Variants in NRDE2 observed in about 807,000 individuals in gnomAD.
NRDE2 encodes the protein NRDE-2, necessary for RNA interference, domain containing, also known as nuclear exosome regulator NRDE2.
Under a neutral mutation model 124.2 loss-of-function variants are expected in NRDE2, and 76 were observed. That is an observed-to-expected ratio of 0.61 (90% CI 0.51 to 0.74). The LOEUF is 0.74. Ranked by LOEUF, NRDE2 falls within the 30% of genes least tolerant of loss-of-function variation. The probability of loss-of-function intolerance (pLI) is 0.00; values close to 1 mark genes in which losing one functional copy is unlikely to be tolerated. For missense variants in NRDE2, 1,314 were observed against 1,417.3 expected, an observed-to-expected ratio of 0.93 and a Z score of 1.17; for synonymous variants, 489 against 528.1, an observed-to-expected ratio of 0.93 and a Z score of 1.01.
chr14:90,316,846 A>G, intron 2 of NRDE2, 35 bp from the exon 3 acceptor site: 1 of 1,376,094 alleles, frequency 7.3e-7, no homozygotes, highest in South Asian at 1.3e-5. Context: ...ATTACTTTCT[A>G]AAAAGATGTA....
rs1566678097 is a variant in NRDE2 at position 90,274,827 on chromosome 14, CACACACACA to C, written c.*3500_*3508del. ...ACACACACACACACACACACACACACACACACACACACCCCAATACATATGAATTGATCT... is the reference window on the plus strand; with the variant it reads ...ACACACACACACACACACACACACACCACCCCAATACATATGAATTGATCT... On this transcript the variant is annotated 3_prime_UTR_variant, in exon 14 of 14. Transcript: ENST00000354366. The C allele has an allele frequency of 2.6e-3, 254 of 96,612 alleles. 2 individuals carry two copies. The highest frequency in any genetic ancestry group is 2.7e-3 in the Non-Finnish European group (131 of 48,768). The allele number at this position is 96,612 out of a possible 1,614,324, so 6.0% of individuals were successfully genotyped here.
At chr14:90,280,989 G>A (rs766576975) in intron 12 of NRDE2, 2 of 152,268 alleles carry the variant, frequency 1.3e-5, no homozygotes, top group South Asian at 2.1e-4. Flanking sequence ...CAGAACTGCC[G>A]TGATGGGTGC....
Position 90,269,624 on chromosome 14 carries a change from A to G in NRDE2, c.*8712T>C. ...TGTTTAAGTGTGCTTTGGGAGGCCTATAAAATGATACATAAAAAAGCAAAT... is the reference window on the plus strand; with the variant it reads ...TGTTTAAGTGTGCTTTGGGAGGCCTGTAAAATGATACATAAAAAAGCAAAT... On this transcript the variant is annotated 3_prime_UTR_variant, in exon 14 of 14. Coordinates refer to ENST00000354366, the MANE Select transcript of NRDE2 (RefSeq NM_017970.4). The G allele has an allele frequency of 6.7e-7, 1 of 1,492,878 alleles. No homozygotes were observed. Among genetic ancestry groups the G allele is most frequent in the Non-Finnish European group, 9.1e-7 (1 of 1,100,124 alleles). 92.5% of individuals were successfully genotyped at this position (1,492,878 alleles called of 1,614,324 possible). A position where few individuals can be genotyped will look rare whatever the true frequency, so the allele number is the denominator to read the frequency against.
chr14:90,322,958 A>G (rs1885294420), intron 1 of NRDE2, among the ~76,000 whole-genome samples: 1 of 152,208 alleles, frequency 6.6e-6, no homozygotes, highest in South Asian at 2.1e-4. Flanking sequence ...GCAGCACACC[A>G]AATGCCTACG....
chr14:90,319,567 G>A (rs1230109579), intron 1 of NRDE2, among the ~76,000 whole-genome samples: 2 of 150,580 alleles, frequency 1.3e-5, no homozygotes, highest in Non-Finnish European at 3.0e-5. Context: ...TGCCTATTTT[G>A]GACATTTAAT....
At position 90,288,818 on chromosome 14, in the gene NRDE2, G is replaced by C. The variant is rs1892188218; in HGVS notation, c.2557C>G (p.Leu853Val). ...GGCCCATAGGGGCTGCTCTCAGTCA[G>C]CTTGGTTAATATGTGAACAGCTCGA... Reference protein sequence around the residue: ...TARAVHILTKLTESSPYGPYT... With the variant: ...TARAVHILTKVTESSPYGPYT... Residue 853 changes from leucine to valine, a missense_variant, in exon 11 of 14, where the codon CTG becomes GTG. Physicochemically the swap from Leu to Val is conservative, Grantham distance 32 (BLOSUM62 1). Coordinates refer to ENST00000354366, the MANE Select transcript of NRDE2 (RefSeq NM_017970.4). The C allele has an allele frequency of 1.9e-6, 3 of 1,614,112 alleles. No homozygotes were observed. The highest frequency in any genetic ancestry group is 2.5e-6 in the Non-Finnish European group (3 of 1,180,034).
chr14:90,312,818 T>C (rs1018969582), intron 3 of NRDE2, among the ~76,000 whole-genome samples: 4 of 152,186 alleles, frequency 2.6e-5, no homozygotes, highest in Admixed American at 6.5e-5. Flanking sequence ...CTGAAGAATA[T>C]AGGTATACAG....
Position 90,301,271 on chromosome 14 carries a change from C to T in NRDE2, c.1513G>A (p.Asp505Asn), listed in dbSNP as rs367936820. 5.6e-5 allele frequency: 90 copies of T among 1,613,642 alleles called. No homozygotes were observed. The highest frequency in any genetic ancestry group is 2.8e-4 in the African/African-American group (21 of 74,962). ...TTGGTAGGCAGATCTTTCACGCTGTCGGGTTTGAAGAAGGTGAAGTCCACC... is the reference window on the plus strand; with the variant it reads ...TTGGTAGGCAGATCTTTCACGCTGTTGGGTTTGAAGAAGGTGAAGTCCACC... ...AMVDFTFFKP[D>N]SVKDLPTKGQ... is the part of the protein sequence containing the mutation. Residue 505 changes from aspartate (D) to asparagine (N), a missense_variant, in exon 7 of 14, where the codon GAC (aspartate) becomes AAC (asparagine). By Grantham distance (23) the Asp-to-Asn change is conservative. Coordinates refer to ENST00000354366, the MANE Select transcript of NRDE2 (RefSeq NM_017970.4).
intron 5 of NRDE2, 25 bp from the exon 6 acceptor site, chr14:90,303,150 CA>C (rs1461600035): frequency 6.3e-7 from 1 of 1,590,498 alleles, no homozygotes; most frequent in African/African-American, 1.3e-5. Flanking sequence ...CACCAATTTA[CA>C]AATGCAAATG....
In NRDE2 at chr14:90,292,801, A is replaced by C. The variant is rs1237618359; in HGVS notation, c.1738T>G (p.Trp580Gly). 3 of 1,614,092 alleles carry C rather than the reference A, an allele frequency of 1.9e-6. No individual in the cohort carries two copies. Among genetic ancestry groups the C allele is most frequent in the Non-Finnish European group, 2.5e-6 (3 of 1,180,010 alleles). The change falls in exon 9 of 14, where the codon TGG becomes GGG. Residue 580 changes from tryptophan (W) to glycine (G), a missense_variant. By Grantham distance (184) the Trp-to-Gly change is radical (BLOSUM62 -2). Coordinates refer to ENST00000354366, the MANE Select transcript of NRDE2 (RefSeq NM_017970.4). ...KDKTLPRWQI[W>G]LAAERSRDQR... ...TCACGGGAACGCTCAGCAGCAAGCC[A>C]GATCTGCCACCTGGGCAGAGTCTTA...
intron 12 of NRDE2, 29 bp from the exon 13 acceptor site, chr14:90,279,162 T>A (rs561547026): frequency 6.5e-7 from 1 of 1,542,898 alleles, no homozygotes; most frequent in African/African-American, 1.4e-5. Flanking sequence ...AATACAAACA[T>A]GATTAGTTGA....
chr14:90,315,212 G>A (rs1164451131), intron 3 of NRDE2, among the ~76,000 whole-genome samples: 11 of 129,974 alleles, frequency 8.5e-5, no homozygotes, highest in Admixed American at 2.5e-4. Flanking sequence ...AAAAGCTTGG[G>A]TTACAAAAAT....
intron 3 of NRDE2, 23 bp downstream of exon 3, chr14:90,316,555 G>A: frequency 2.0e-6 from 3 of 1,512,544 alleles, no homozygotes; most frequent in Non-Finnish European, 2.7e-6. Context: ...AAATATCATA[G>A]GTGCTTGAGA....
chr14:90,283,706 G>GTTTTTT (rs199636568), intron 12 of NRDE2, among the ~76,000 whole-genome samples: 3 of 147,154 alleles, frequency 2.0e-5, no homozygotes, highest in African/African-American at 2.5e-5. Flanking sequence ...ACTTTTGCAG[G>GTTTTTT]TTTTTTGTTT....
At chr14:90,301,459 A>G (rs1295144704) in intron 6 of NRDE2, 87 bp from the exon 7 acceptor site, 1 of 1,249,156 alleles carries the variant, frequency 8.0e-7, no homozygotes, top group Non-Finnish European at 1.1e-6. Flanking sequence ...CAATTAACAC[A>G]TTGAGAACAC....
intron 11 of NRDE2, among the ~76,000 whole-genome samples, chr14:90,287,429 G>A (rs1892138472): frequency 6.6e-6 from 1 of 151,864 alleles, no homozygotes; most frequent in Admixed American, 6.6e-5. Flanking sequence ...ACCAGCCTGG[G>A]CACTATGGCA....
chr14:90,287,139 T>C (rs995064304), intron 11 of NRDE2, among the ~76,000 whole-genome samples: 6 of 144,476 alleles, frequency 4.2e-5, no homozygotes, highest in Non-Finnish European at 6.0e-5. Context: ...TGATTTATAA[T>C]AGAGAAAGCA....
At chr14:90,313,599 C>T (rs771415734) in intron 3 of NRDE2, among the ~76,000 whole-genome samples, 3 of 152,120 alleles carry the variant, frequency 2.0e-5, no homozygotes, top group Non-Finnish European at 4.4e-5. Flanking sequence ...GAACCACTCC[C>T]GGGGCGTTAA....
At chr14:90,297,043 G>A (rs953980892) in intron 8 of NRDE2, among the ~76,000 whole-genome samples, 4 of 151,370 alleles carry the variant, frequency 2.6e-5, no homozygotes, top group African/African-American at 4.9e-5. Context: ...GGAGGCTGAG[G>A]CACAAGAATC....
Sources: gnomAD v4.1 joint callset for allele counts (sites outside exome capture counted in the v4.1 genomes callset) on GRCh38, gnomAD v4.1.1 for gene constraint, MANE v1.5 for transcripts, NCBI Gene and HGNC (gene_info 2026-07-23, HGNC 2026-07-21) for gene names.